The following CPPED1 variants were observed in gnomAD, a reference collection of about 807,000 sequenced individuals.
CPPED1 encodes calcineurin like phosphoesterase domain containing 1, also known as serine/threonine-protein phosphatase CPPED1.
A neutral mutation model predicts 28.0 loss-of-function variants in CPPED1; 28 were observed. The observed-to-expected ratio is 1.00, with a 90% CI of 0.74 to 1.37. The LOEUF is 1.37. Ranked by LOEUF, CPPED1 falls within the 40% of genes most tolerant of loss-of-function variation. The pLI is 0.00. For synonymous variants in CPPED1, 198 were observed against 180.2 expected (o/e 1.10, Z -0.79); for missense variants, 504 against 416.5 (o/e 1.21, Z -1.83).
Position 12,661,897 on chromosome 16 carries a change from G to A in CPPED1, c.*2989C>T, listed in dbSNP as rs2079796892. On this transcript the variant is annotated 3_prime_UTR_variant, in exon 4 of 4. Coordinates refer to ENST00000381774, the MANE Select transcript of CPPED1 (RefSeq NM_018340.3). ...CTGGGAGGAAATCCCTGGGCCTCCA[G>A]CTAACGCTGTCCAAGGTGCTGAATA... 3 of 152,514 alleles carry A rather than the reference G, an allele frequency of 2.0e-5. No homozygotes were observed. The highest frequency in any genetic ancestry group is 3.4e-3 in the Middle Eastern group (1 of 296). The allele number at this position is 152,514 out of a possible 1,614,324, so 9.4% of individuals were successfully genotyped here.
At chr16:12,687,415 TG>T (rs1336295633) in intron 3 of CPPED1, among the ~76,000 whole-genome samples, 4 of 152,328 alleles carry the variant, frequency 2.6e-5, no homozygotes, top group African/African-American at 9.6e-5. Context: ...TTTTAAGCAA[TG>T]TGCACCTTCT....
In CPPED1 at chr16:12,683,280, G is replaced by A. The variant is rs529237535; in HGVS notation, c.716-18165C>T. 2.6e-5 allele frequency among the ~76,000 whole-genome samples: 4 copies of A among 152,172 alleles called. No individual in the cohort carries two copies. In the East Asian group the frequency reaches 7.7e-4, roughly 29 times the overall value. On this transcript the variant is annotated intron_variant, in intron 3 of 3. Transcript: ENST00000381774. ...ATTTGTGCACTTTTCCTTACCCCTG[G>A]GCTTCGAGGCACTTCCTCCTCCAGT...
intron 2 of CPPED1, among the ~76,000 whole-genome samples, chr16:12,715,706 T>G (rs2080103606): frequency 6.6e-6 from 1 of 152,100 alleles, no homozygotes; most frequent in Non-Finnish European, 1.5e-5. Flanking sequence ...TTTTGTACTT[T>G]TAGTAGAGAC....
At chr16:12,714,052 G>T (rs2080093836) in intron 2 of CPPED1, among the ~76,000 whole-genome samples, 1 of 152,072 alleles carries the variant, frequency 6.6e-6, no homozygotes, top group Non-Finnish European at 1.5e-5. Flanking sequence ...TTTTGTTACT[G>T]ATCTTTCACT....
rs768840825 is a variant in CPPED1, at chr16:12,705,064, G to T, written c.290-15C>A. 6.3e-6 allele frequency: 10 copies of T among 1,590,598 alleles called. No individual in the cohort carries two copies. The highest frequency in any genetic ancestry group is 7.7e-6 in the Non-Finnish European group (9 of 1,166,450). ...CCACGGCTTCCCTGGAAGAGTGAGG[G>T]TCACGTCCTGAGAAAGCCAGGGGCT... On this transcript the variant is annotated splice_polypyrimidine_tract_variant and intron_variant, in intron 2 of 3. Transcript: ENST00000381774.
At chr16:12,685,164 C>A (rs1322968434) in intron 3 of CPPED1, among the ~76,000 whole-genome samples, 1 of 152,182 alleles carries the variant, frequency 6.6e-6, no homozygotes, top group African/African-American at 2.4e-5. Context: ...AATAATAGAT[C>A]CCTCAGCCAG....
intron 2 of CPPED1, among the ~76,000 whole-genome samples, chr16:12,777,562 A>G (rs2080504806): frequency 6.6e-6 from 1 of 152,240 alleles, no homozygotes; most frequent in Admixed American, 6.5e-5. Context: ...AAATACCAAG[A>G]TAACCCAAAA....
chr16:12,699,704 T>C (rs2080010161), intron 3 of CPPED1, among the ~76,000 whole-genome samples: 1 of 152,168 alleles, frequency 6.6e-6, no homozygotes, highest in African/African-American at 2.4e-5. Flanking sequence ...ACCCTGATAT[T>C]CTGATGAGCT....
At chr16:12,762,957 G>A (rs914481831) in intron 2 of CPPED1, among the ~76,000 whole-genome samples, 8 of 152,098 alleles carry the variant, frequency 5.3e-5, no homozygotes, top group African/African-American at 1.2e-4. Flanking sequence ...CGCCGGGCAC[G>A]GTGGCTCACG....
chr16:12,773,680 C>A (rs1042532447), intron 2 of CPPED1, among the ~76,000 whole-genome samples: 1 of 152,192 alleles, frequency 6.6e-6, no homozygotes, highest in Non-Finnish European at 1.5e-5. Context: ...GAGATCATGA[C>A]ACTGTACCCA....
Position 12,663,003 on chromosome 16 carries a change from G to A in CPPED1, c.*1883C>T, listed in dbSNP as rs1170975575. On this transcript the variant is annotated 3_prime_UTR_variant, in exon 4 of 4. Coordinates refer to ENST00000381774, the MANE Select transcript of CPPED1 (RefSeq NM_018340.3). ...GAGGAACCCCCATCCTGGAATCGAA[G>A]CCCTCTGTTTATGATCCAAGTGTCA... 1 of 151,614 alleles carries A rather than the reference G, an allele frequency of 6.6e-6. No individual in the cohort carries two copies. Among genetic ancestry groups the A allele is most frequent in the African/African-American group, 2.4e-5 (1 of 41,194 alleles). 9.4% of individuals were successfully genotyped at this position (151,614 alleles called of 1,614,324 possible). A position where few individuals can be genotyped will look rare whatever the true frequency, so the allele number is the denominator to read the frequency against.
chr16:12,673,261 G>C (rs1170939210), intron 3 of CPPED1, among the ~76,000 whole-genome samples: 1 of 152,158 alleles, frequency 6.6e-6, no homozygotes, highest in African/African-American at 2.4e-5. Context: ...GGCTCTCCTG[G>C]GGTTTCACAG....
At chr16:12,680,029 T>C (rs2079896981) in intron 3 of CPPED1, among the ~76,000 whole-genome samples, 1 of 152,196 alleles carries the variant, frequency 6.6e-6, no homozygotes, top group African/African-American at 2.4e-5. Context: ...CCTGGGAGAC[T>C]TTATCTACAT....
intron 2 of CPPED1, among the ~76,000 whole-genome samples, chr16:12,734,378 A>ATT (rs113756349): frequency 3.9e-5 from 5 of 128,716 alleles, no homozygotes; most frequent in African/African-American, 1.4e-4. Context: ...CCACACAATA[A>ATT]TTTTTTTTTT....
chr16:12,665,316 G>C (rs1462989861), intron 3 of CPPED1, among the ~76,000 whole-genome samples: 1 of 151,854 alleles, frequency 6.6e-6, no homozygotes, highest in African/African-American at 2.4e-5. Flanking sequence ...ATCTTTGAAA[G>C]GATACTTCAT....
chr16:12,703,763 T>G (rs2080033027), intron 3 of CPPED1, among the ~76,000 whole-genome samples: 1 of 151,194 alleles, frequency 6.6e-6, no homozygotes, highest in Non-Finnish European at 1.5e-5. Flanking sequence ...TTGTCAAAAC[T>G]GGAATTTGCC....
intron 2 of CPPED1, among the ~76,000 whole-genome samples, chr16:12,713,072 G>T (rs1398100841): frequency 6.6e-6 from 1 of 151,542 alleles, no homozygotes; most frequent in East Asian, 1.9e-4. Context: ...GGGGAAAAGA[G>T]AGTACCAGAA....
At position 12,709,649 on chromosome 16, in the gene CPPED1, A is replaced by T. The variant is rs1174362324; in HGVS notation, c.290-4600T>A. Among the ~76,000 whole-genome samples, 2 of 152,206 alleles carry T rather than the reference A, an allele frequency of 1.3e-5. No individual in the cohort carries two copies. Among genetic ancestry groups the T allele is most frequent in the East Asian group, 1.9e-4 (1 of 5,196 alleles). On this transcript the variant is annotated intron_variant, in intron 2 of 3. Transcript: ENST00000381774. The surrounding 1 kb of genome is among the most constrained non-coding windows in gnomAD (Gnocchi z 4.4). ...TGGTTGTTTTCCAAATAGCCTTAAAATACATTGTCTAATAAAATCTCTTTG... is the reference window on the plus strand; with the variant it reads ...TGGTTGTTTTCCAAATAGCCTTAAATTACATTGTCTAATAAAATCTCTTTG...
chr16:12,803,689 G>T lies in CPPED1; in HGVS notation c.70+18C>A. 1 of 1,538,564 alleles carries T rather than the reference G, an allele frequency of 6.5e-7. No homozygotes were observed. The highest frequency in any genetic ancestry group is 1.2e-5 in the South Asian group (1 of 83,636). On this transcript the variant is annotated intron_variant, in intron 1 of 3. Coordinates refer to ENST00000381774, the MANE Select transcript of CPPED1 (RefSeq NM_018340.3). ...CGCAGCCCCAGAGTCCCCTCCCCGG[G>T]TGAGGGGCGGGCAGTACCTGCGGGA...
Sources: allele counts gnomAD v4.1 joint callset (sites outside exome capture counted in the v4.1 genomes callset), GRCh38; gene constraint gnomAD v4.1.1; non-coding constraint Gnocchi (gnomAD v3.1); transcripts MANE v1.5; gene names NCBI Gene and HGNC (gene_info 2026-07-23, HGNC 2026-07-21).